Variants in PRICKLE1 observed in about 807,000 individuals in gnomAD.
The protein encoded by PRICKLE1 is prickle planar cell polarity protein 1, also known as prickle-like protein 1.
PRICKLE1 carries 14 observed loss-of-function variants against 70.2 expected under a neutral mutation model. The observed-to-expected ratio is 0.20, with a 90% CI of 0.13 to 0.31. PRICKLE1 has a LOEUF of 0.31. Among genes scored for constraint, PRICKLE1 ranks in the 10% least tolerant of loss-of-function variants. The probability of loss-of-function intolerance (pLI) is 1.00; values close to 1 mark genes in which losing one functional copy is unlikely to be tolerated. For missense variants in PRICKLE1, 821 were observed against 1,026.2 expected, an observed-to-expected ratio of 0.80 and a Z score of 2.73; for synonymous variants, 357 against 379.9, an observed-to-expected ratio of 0.94 and a Z score of 0.70.
Position 42,489,026 on chromosome 12 carries a change from C to T in PRICKLE1, c.-48-16462G>A, listed in dbSNP as rs573007273. On this transcript the variant is annotated intron_variant, in intron 1 of 7. Coordinates refer to ENST00000345127, the MANE Select transcript of PRICKLE1 (RefSeq NM_153026.3). ...ACAACCTCCGCCTCCCAGGTTCAAG[C>T]GATTCTCCTGCCTCAGCCTCCTGAG... 5.3e-5 allele frequency among the ~76,000 whole-genome samples: 8 copies of T among 151,266 alleles called. No individual in the cohort carries two copies. In the Middle Eastern group the frequency reaches 0.024, roughly 450 times the overall value.
intron 1 of PRICKLE1, among the ~76,000 whole-genome samples, chr12:42,536,508 C>G (rs1259792588): frequency 6.6e-6 from 1 of 152,208 alleles, no homozygotes. Context: ...CCTGAACTCA[C>G]AGTCCCGTGT....
chr12:42,542,205 G>A (rs1940129944), intron 1 of PRICKLE1, among the ~76,000 whole-genome samples: 2 of 152,002 alleles, frequency 1.3e-5, no homozygotes, highest in Admixed American at 1.3e-4. Flanking sequence ...ATATGATGGT[G>A]TAAGATGTCA....
At position 42,460,349 on chromosome 12, in the gene PRICKLE1, C is replaced by A. The variant is rs2140087105; in HGVS notation, c.1956G>T (p.Met652Ile). Reference sequence around the variant, plus strand: ...AGACGCGTCTCCGAGTCCTTTCACTCATCGGAGGCTGCCGGATTTCAATGT... The same window carrying A: ...AGACGCGTCTCCGAGTCCTTTCACTAATCGGAGGCTGCCGGATTTCAATGT... ...NYDIEIRQPP[M>I]SERTRRRVYN... is the part of the protein sequence containing the mutation. Residue 652 changes from methionine to isoleucine, a missense_variant, in exon 8 of 8, where the codon ATG (methionine) becomes ATT (isoleucine). Physicochemically the swap from Met to Ile is conservative, Grantham distance 10. Coordinates refer to ENST00000345127, the MANE Select transcript of PRICKLE1 (RefSeq NM_153026.3). 5.6e-6 allele frequency: 9 copies of A among 1,614,130 alleles called. No individual in the cohort carries two copies. Among genetic ancestry groups the A allele is most frequent in the Non-Finnish European group, 7.6e-6 (9 of 1,180,004 alleles).
rs982461106 is a variant in PRICKLE1, at chr12:42,466,076, T to C, written c.775+118A>G. Reference sequence around the variant, plus strand: ...CTGGAACATTTAAGATCTGTACATTTCATTGTATGTAAATTATATCTCAAC... The same window carrying C: ...CTGGAACATTTAAGATCTGTACATTCCATTGTATGTAAATTATATCTCAAC... On this transcript the variant is annotated intron_variant, in intron 6 of 7. Coordinates refer to ENST00000345127, the MANE Select transcript of PRICKLE1 (RefSeq NM_153026.3). The C allele has an allele frequency of 5.8e-5, 62 of 1,074,180 alleles. No individual in the cohort carries two copies. In the African/African-American group the frequency reaches 8.8e-4, roughly 15 times the overall value. The allele number at this position is 1,074,180 out of a possible 1,614,324, so 66.5% of individuals were successfully genotyped here.
chr12:42,557,727 T>C (rs1388503549), intron 1 of PRICKLE1, among the ~76,000 whole-genome samples: 1 of 152,226 alleles, frequency 6.6e-6, no homozygotes, highest in East Asian at 1.9e-4. Flanking sequence ...AGTCATCTTG[T>C]TTTTATAAAA....
chr12:42,460,962 A>G (rs1052826522), intron 7 of PRICKLE1, among the ~76,000 whole-genome samples: 3 of 152,080 alleles, frequency 2.0e-5, no homozygotes, highest in Non-Finnish European at 4.4e-5. Flanking sequence ...GCACACCACA[A>G]TCTCCACCTC....
At chr12:42,585,198 G>T (rs1012207110) in intron 1 of PRICKLE1, among the ~76,000 whole-genome samples, 9 of 152,142 alleles carry the variant, frequency 5.9e-5, no homozygotes, top group African/African-American at 2.2e-4. Flanking sequence ...TTAAGTAAAG[G>T]CAAATGATAG....
At chr12:42,472,843 G>A (rs1026135328) in intron 1 of PRICKLE1, among the ~76,000 whole-genome samples, 1 of 152,150 alleles carries the variant, frequency 6.6e-6, no homozygotes, top group South Asian at 2.1e-4. Context: ...CTCTACAGTC[G>A]ATTCCTTAGA....
chr12:42,538,957 C>G (rs566928597), intron 1 of PRICKLE1, among the ~76,000 whole-genome samples: 4 of 151,946 alleles, frequency 2.6e-5, no homozygotes, highest in Admixed American at 6.6e-5. Flanking sequence ...TATGCTAGCT[C>G]AACTTCAAGA....
chr12:42,467,466 C>A (rs1470681440), intron 5 of PRICKLE1, among the ~76,000 whole-genome samples: 1 of 152,088 alleles, frequency 6.6e-6, no homozygotes, highest in Non-Finnish European at 1.5e-5. Flanking sequence ...TTCAGCGGAG[C>A]ATGGTGGCTC....
At chr12:42,567,824 A>T (rs1005272931) in intron 1 of PRICKLE1, among the ~76,000 whole-genome samples, 1 of 151,198 alleles carries the variant, frequency 6.6e-6, no homozygotes, top group African/African-American at 2.4e-5. Context: ...AAGAGGTATA[A>T]GCGTTATCTT....
intron 1 of PRICKLE1, among the ~76,000 whole-genome samples, chr12:42,580,150 C>T (rs1940875099): frequency 6.6e-6 from 1 of 152,154 alleles, no homozygotes; most frequent in South Asian, 2.1e-4. Context: ...GCTGGGATTA[C>T]AGGTGTGAGT....
At chr12:42,494,024 T>TTACAC (rs1939151587) in intron 1 of PRICKLE1, among the ~76,000 whole-genome samples, 1 of 152,200 alleles carries the variant, frequency 6.6e-6, no homozygotes, top group Non-Finnish European at 1.5e-5. Context: ...AAAGTTATGT[T>TTACAC]TACACTACAC....
At chr12:42,501,559 T>C (rs1366316313) in intron 1 of PRICKLE1, among the ~76,000 whole-genome samples, 1 of 144,408 alleles carries the variant, frequency 6.9e-6, no homozygotes, top group Non-Finnish European at 1.5e-5. Flanking sequence ...CAAATTCCTA[T>C]ACAAGCAACA....
chr12:42,467,424 A>T (rs1938141695), intron 5 of PRICKLE1, among the ~76,000 whole-genome samples: 1 of 151,672 alleles, frequency 6.6e-6, no homozygotes, highest in African/African-American at 2.4e-5. Flanking sequence ...AGGTTCTTTC[A>T]TTTTTTTTAT....
intron 1 of PRICKLE1, among the ~76,000 whole-genome samples, chr12:42,536,882 C>T (rs1940024441): frequency 6.6e-6 from 1 of 152,128 alleles, no homozygotes; most frequent in Non-Finnish European, 1.5e-5. Context: ...GTTTCATGTT[C>T]ATATAATGGC....
intron 1 of PRICKLE1, among the ~76,000 whole-genome samples, chr12:42,563,814 G>A (rs145047491): frequency 4.0e-5 from 6 of 151,766 alleles, no homozygotes; most frequent in African/African-American, 1.5e-4. Flanking sequence ...GACAGGGAGA[G>A]TATACGATTT....
chr12:42,542,171 G>A (rs1940129511), intron 1 of PRICKLE1, among the ~76,000 whole-genome samples: 1 of 152,142 alleles, frequency 6.6e-6, no homozygotes, highest in Non-Finnish European at 1.5e-5. Flanking sequence ...GACAGCTAAG[G>A]GGGCAGAAAT....
chr12:42,468,166 C>T (rs546938639), intron 5 of PRICKLE1, among the ~76,000 whole-genome samples: 1 of 152,318 alleles, frequency 6.6e-6, no homozygotes, highest in East Asian at 1.9e-4. Flanking sequence ...TTTTTCCTTT[C>T]AAGCCATCAT....
Sources: allele counts gnomAD v4.1 joint callset (sites outside exome capture counted in the v4.1 genomes callset), GRCh38; gene constraint gnomAD v4.1.1; transcripts MANE v1.5; gene names NCBI Gene and HGNC (gene_info 2026-07-23, HGNC 2026-07-21).